The following ZBTB46 variants were observed in gnomAD, a reference collection of about 807,000 sequenced individuals.
ZBTB46 encodes zinc finger and BTB domain containing 46.
In ZBTB46, 8 loss-of-function variants were observed where a neutral mutation model predicts 44.1. The ratio of observed to expected loss-of-function variants is 0.18; its 90% CI spans 0.11 to 0.33. ZBTB46 has a LOEUF of 0.33. Ranked by LOEUF, ZBTB46 falls within the 10% of genes least tolerant of loss-of-function variation. ZBTB46 has a pLI of 1.00. For synonymous variants in ZBTB46, 409 were observed against 382.3 expected (o/e 1.07, Z -0.81); for missense variants, 651 against 847.7 (o/e 0.77, Z 2.88).
At chr20:63,783,415 G>C (rs1457742642) in intron 2 of ZBTB46, among the ~76,000 whole-genome samples, 2 of 152,222 alleles carry the variant, frequency 1.3e-5, no homozygotes, top group African/African-American at 4.8e-5. Context: ...GCGACCGAGC[G>C]AGACTCCGTC....
Position 63,803,968 on chromosome 20 carries a change from G to A in ZBTB46, c.-33-13178C>T, listed in dbSNP as rs2092665675. Among the ~76,000 whole-genome samples the A allele has an allele frequency of 1.3e-5, 2 of 152,184 alleles. No individual in the cohort carries two copies. Among genetic ancestry groups the A allele is most frequent in the African/African-American group, 4.8e-5 (2 of 41,442 alleles). On this transcript the variant is annotated intron_variant, in intron 1 of 4. Transcript: ENST00000245663. The surrounding 1 kb of genome is among the most constrained non-coding windows in gnomAD (Gnocchi z 4.0). ...GCCGCCCTGGCTTCTCAAAGCGCTG[G>A]GATGATAGGCGTGAGCCACTGCACC...
chr20:63,782,196 A>ACCCCCCG (rs2092476458), intron 2 of ZBTB46, among the ~76,000 whole-genome samples: 1 of 113,340 alleles, frequency 8.8e-6, no homozygotes, highest in Non-Finnish European at 2.0e-5. Context: ...CCCAGGCTGC[A>ACCCCCCG]ACCCCCGAGC....
chr20:63,797,347 G>A (rs1198285473), intron 1 of ZBTB46, among the ~76,000 whole-genome samples: 1 of 152,002 alleles, frequency 6.6e-6, no homozygotes, highest in Admixed American at 6.6e-5. Context: ...CTTTTTTATG[G>A]CTGCATAGTA....
intron 3 of ZBTB46, among the ~76,000 whole-genome samples, chr20:63,758,734 C>CT (rs34323440): frequency 4.4e-5 from 6 of 135,028 alleles, no homozygotes; most frequent in Non-Finnish European, 4.8e-5. Context: ...AGAGTCACAT[C>CT]TTTTTTTTTT....
At chr20:63,770,383 G>T (rs1036508088) in intron 3 of ZBTB46, among the ~76,000 whole-genome samples, 8 of 152,124 alleles carry the variant, frequency 5.3e-5, no homozygotes, top group African/African-American at 1.7e-4. Flanking sequence ...GCTGAAAAAG[G>T]AATAAAAGTA....
In ZBTB46 at chr20:63,745,968, C is replaced by CT. The variant is rs2092084800; in HGVS notation, c.*961dup. The CT allele has an allele frequency of 6.5e-6, 1 of 152,712 alleles. No individual in the cohort carries two copies. The highest frequency in any genetic ancestry group is 2.4e-5 in the African/African-American group (1 of 41,478). The allele number at this position is 152,712 out of a possible 1,614,324, so 9.5% of individuals were successfully genotyped here. A position where few individuals can be genotyped will look rare whatever the true frequency, so the allele number is the denominator to read the frequency against. On this transcript the variant is annotated 3_prime_UTR_variant, in exon 5 of 5. Coordinates refer to ENST00000245663, the MANE Select transcript of ZBTB46 (RefSeq NM_001369741.1). The stretch of plus-strand genomic sequence containing the variant: ...TTTATGTAACTACCTCGATATGTCT[C>CT]TGACTACTTAAAAATTTGGTTACCC...
chr20:63,744,207 A>G lies in ZBTB46; in HGVS notation c.*2723T>C, dbSNP rs781386746. On this transcript the variant is annotated 3_prime_UTR_variant, in exon 5 of 5. Coordinates refer to ENST00000245663, the MANE Select transcript of ZBTB46 (RefSeq NM_001369741.1). ...AGATTACTTCTTTTATAATATTGCA[A>G]AAAGTTCCAGTTTTTGCATTTTCTC... 4 of 152,216 alleles carry G rather than the reference A, an allele frequency of 2.6e-5. No individual in the cohort carries two copies. Among genetic ancestry groups the G allele is most frequent in the Non-Finnish European group, 4.4e-5 (3 of 68,048 alleles). The allele number at this position is 152,216 out of a possible 1,614,324, so 9.4% of individuals were successfully genotyped here.
Position 63,752,172 on chromosome 20 carries a change from C to A in ZBTB46, c.1398+514G>T, listed in dbSNP as rs2092174342. On this transcript the variant is annotated intron_variant, in intron 4 of 4. Coordinates refer to ENST00000245663, the MANE Select transcript of ZBTB46 (RefSeq NM_001369741.1). This position sits in a 1 kb window ranked among gnomAD's most constrained non-coding sequence, Gnocchi z 5.6. ...ACCCACTTGAGATGCCCTCGCCAGG[C>A]CTTTTTTGGCAAATCTGCCTCCCTG... 6.6e-6 allele frequency among the ~76,000 whole-genome samples: 1 copy of A among 152,282 alleles called. No individual in the cohort carries two copies. Among genetic ancestry groups the A allele is most frequent in the South Asian group, 2.1e-4 (1 of 4,826 alleles).
In ZBTB46 at chr20:63,798,674, C is replaced by CAAA. The variant is rs71197435; in HGVS notation, c.-33-7887_-33-7885dup. 6.4e-4 allele frequency among the ~76,000 whole-genome samples: 12 copies of CAAA among 18,744 alleles called. 1 individual carries two copies. Among genetic ancestry groups the CAAA allele is most frequent in the South Asian group, 3.6e-3 (1 of 274 alleles). 12.3% of individuals were successfully genotyped at this position (18,744 alleles called of 152,430 possible). A position where few individuals can be genotyped will look rare whatever the true frequency, so the allele number is the denominator to read the frequency against. ...TGGCCAACAGAGCTAGACTCTGTCTCAAAAAAAAAAAAAAAAAAATTAGCT... is the reference window on the plus strand; with the variant it reads ...TGGCCAACAGAGCTAGACTCTGTCTCAAAAAAAAAAAAAAAAAAAAAATTAGCT... On this transcript the variant is annotated intron_variant, in intron 1 of 4. Coordinates refer to ENST00000245663, the MANE Select transcript of ZBTB46 (RefSeq NM_001369741.1).
chr20:63,819,128 G>C (rs539613328), intron 1 of ZBTB46, among the ~76,000 whole-genome samples: 1 of 152,094 alleles, frequency 6.6e-6, no homozygotes, highest in Non-Finnish European at 1.5e-5. Context: ...AGCTGAGATC[G>C]CGCCACTGCA....
At chr20:63,807,130 T>C (rs1440024220) in intron 1 of ZBTB46, among the ~76,000 whole-genome samples, 2 of 152,126 alleles carry the variant, frequency 1.3e-5, no homozygotes, top group Non-Finnish European at 2.9e-5. Context: ...AACAGTGAAG[T>C]GATATATACA....
Position 63,774,003 on chromosome 20 carries a change from T to C in ZBTB46, c.1222+1675A>G, listed in dbSNP as rs116124401. 5.0e-3 allele frequency among the ~76,000 whole-genome samples: 760 copies of C among 151,892 alleles called. 6 individuals are homozygous for C. The highest frequency in any genetic ancestry group is 0.018 in the African/African-American group (727 of 41,380). On this transcript the variant is annotated intron_variant, in intron 3 of 4. Transcript: ENST00000245663. Reference sequence around the variant, plus strand: ...TCTGCCTGCACCGTGTTTGATATTTTAGAAACGCTATTTTGTTTGAATTCA... The same window carrying C: ...TCTGCCTGCACCGTGTTTGATATTTCAGAAACGCTATTTTGTTTGAATTCA...
chr20:63,809,199 C>T (rs965541987), intron 1 of ZBTB46, among the ~76,000 whole-genome samples: 5 of 142,360 alleles, frequency 3.5e-5, no homozygotes, highest in African/African-American at 1.3e-4. Context: ...GGTGCAGACT[C>T]GGTGGAGCCA....
chr20:63,790,847 G>C, intron 1 of ZBTB46, 57 bp from the exon 2 acceptor site: 1 of 1,456,684 alleles, frequency 6.9e-7, no homozygotes, highest in Non-Finnish European at 9.0e-7. Flanking sequence ...GCCGTGAGAG[G>C]ACGCCGGGCG....
chr20:63,786,565 G>T (rs2092515909), intron 2 of ZBTB46, among the ~76,000 whole-genome samples: 1 of 152,132 alleles, frequency 6.6e-6, no homozygotes, highest in South Asian at 2.1e-4. Context: ...AGGCTGGAGT[G>T]CAGTGGCGCG....
At chr20:63,799,979 A>G (rs2092631168) in intron 1 of ZBTB46, among the ~76,000 whole-genome samples, 1 of 152,216 alleles carries the variant, frequency 6.6e-6, no homozygotes, top group Non-Finnish European at 1.5e-5. Context: ...AGACAGACTC[A>G]TGCGTGAACG....
rs371642244 is a variant in ZBTB46 at position 63,749,302 on chromosome 20, A to C, written c.1399-2001T>G. ...ACAGAGCCTCAGACAACTTGGTGCC[A>C]GAACTGCTCCTTTGGGCTTTTGTTT... is the stretch of plus-strand genomic sequence containing the variant. On this transcript the variant is annotated intron_variant, in intron 4 of 4. Coordinates refer to ENST00000245663, the MANE Select transcript of ZBTB46 (RefSeq NM_001369741.1). Among the ~76,000 whole-genome samples, 42 of 152,122 alleles carry C rather than the reference A, an allele frequency of 2.8e-4. No homozygotes were observed. The East Asian group carries it at 5.2e-3, about 19-fold the overall frequency.
At position 63,767,286 on chromosome 20, in the gene ZBTB46, G is replaced by A. The variant is rs1261390522; in HGVS notation, c.1222+8392C>T. Among the ~76,000 whole-genome samples, 3 of 148,446 alleles carry A rather than the reference G, an allele frequency of 2.0e-5. No individual in the cohort carries two copies. The highest frequency in any genetic ancestry group is 7.4e-5 in the African/African-American group (3 of 40,464). On this transcript the variant is annotated intron_variant, in intron 3 of 4. Transcript: ENST00000245663. This position sits in a 1 kb window ranked among gnomAD's most constrained non-coding sequence, Gnocchi z 5.0. Reference sequence around the variant, plus strand: ...GTTTTCCCGCCCCTGAAAGCCCCCCGTCCCCACACATTGGCAATCCCGTAG... The same window carrying A: ...GTTTTCCCGCCCCTGAAAGCCCCCCATCCCCACACATTGGCAATCCCGTAG...
intron 2 of ZBTB46, among the ~76,000 whole-genome samples, chr20:63,778,972 T>A (rs1211638530): frequency 6.6e-6 from 1 of 152,110 alleles, no homozygotes; most frequent in African/African-American, 2.4e-5. Flanking sequence ...GTGAGGCCCC[T>A]CCTGACCTGC....
Sources: gnomAD v4.1 joint callset for allele counts (sites outside exome capture counted in the v4.1 genomes callset) on GRCh38, gnomAD v4.1.1 for gene constraint, Gnocchi (gnomAD v3.1) non-coding constraint, MANE v1.5 for transcripts, NCBI Gene and HGNC (gene_info 2026-07-23, HGNC 2026-07-21) for gene names.